CDKAL1: variants seen among roughly 807,000 people sequenced by gnomAD.
CDKAL1 encodes CDKAL1 threonylcarbamoyladenosine tRNA methylthiotransferase, also known as threonylcarbamoyladenosine tRNA methylthiotransferase.
Under a neutral mutation model 68.2 loss-of-function variants are expected in CDKAL1, and 32 were observed. That is an observed-to-expected ratio of 0.47 (90% confidence interval 0.35 to 0.63). CDKAL1 has a LOEUF of 0.63. Among genes scored for constraint, CDKAL1 ranks in the 30% least tolerant of loss-of-function variants. The pLI is 0.00. For synonymous variants in CDKAL1, 234 were observed against 244.3 expected, an observed-to-expected ratio of 0.96 and a Z score of 0.39; for missense variants, 606 against 696.7, an observed-to-expected ratio of 0.87 and a Z score of 1.47.
intron 13 of CDKAL1, among the ~76,000 whole-genome samples, chr6:21,193,390 A>T (rs570927260): frequency 6.6e-6 from 1 of 152,286 alleles, no homozygotes; most frequent in Admixed American, 6.5e-5. Flanking sequence ...AAACCTTTGG[A>T]TGTGCTGATC....
At chr6:20,975,087 A>G (rs1435456570) in intron 10 of CDKAL1, among the ~76,000 whole-genome samples, 2 of 151,662 alleles carry the variant, frequency 1.3e-5, no homozygotes, top group Non-Finnish European at 2.9e-5. Flanking sequence ...TATTTATCTT[A>G]TGTCCCTGTA....
chr6:20,771,907 A>C (rs1317380729), intron 7 of CDKAL1, among the ~76,000 whole-genome samples: 1 of 152,168 alleles, frequency 6.6e-6, no homozygotes, highest in Non-Finnish European at 1.5e-5. Context: ...AGCCTGCAGA[A>C]CCGTGAGCCA....
chr6:20,945,790 A>G (rs191714096), intron 9 of CDKAL1, among the ~76,000 whole-genome samples: 95 of 152,336 alleles, frequency 6.2e-4, no homozygotes, highest in Admixed American at 1.9e-3. Context: ...ATACATTGTT[A>G]CTGGTCTGGG....
At chr6:20,841,236 G>C (rs1778162191) in intron 8 of CDKAL1, among the ~76,000 whole-genome samples, 1 of 152,146 alleles carries the variant, frequency 6.6e-6, no homozygotes, top group East Asian at 1.9e-4. Context: ...TGGAGGCTGT[G>C]AGTATTAATG....
At position 20,886,014 on chromosome 6, in the gene CDKAL1, G is replaced by C. The variant is rs952739686; in HGVS notation, c.742+39836G>C. On this transcript the variant is annotated intron_variant, in intron 9 of 15. Coordinates refer to ENST00000274695, the MANE Select transcript of CDKAL1 (RefSeq NM_017774.3). ...ATCATGCCACGACACTCCAGCCTGAGAAACAGAGCAAGACGCCATCCCCGT... is the reference window on the plus strand; with the variant it reads ...ATCATGCCACGACACTCCAGCCTGACAAACAGAGCAAGACGCCATCCCCGT... Among the ~76,000 whole-genome samples the C allele has an allele frequency of 6.6e-5, 10 of 152,282 alleles. 1 individual carries two copies. Among genetic ancestry groups the C allele is most frequent in the South Asian group, 4.1e-4 (2 of 4,824 alleles).
intron 14 of CDKAL1, among the ~76,000 whole-genome samples, chr6:21,199,947 T>C (rs1778621975): frequency 6.6e-6 from 1 of 152,164 alleles, no homozygotes; most frequent in South Asian, 2.1e-4. Context: ...TTCAGAGAGA[T>C]TGGCTGTGGA....
At chr6:21,118,402 C>CAGCAAT (rs1774527208) in intron 13 of CDKAL1, among the ~76,000 whole-genome samples, 1 of 152,160 alleles carries the variant, frequency 6.6e-6, no homozygotes, top group Non-Finnish European at 1.5e-5. Context: ...TTGTCTTCCT[C>CAGCAAT]AGCAATATTT....
At chr6:21,205,257 G>A (rs1778859568) in intron 15 of CDKAL1, among the ~76,000 whole-genome samples, 1 of 152,172 alleles carries the variant, frequency 6.6e-6, no homozygotes, top group Non-Finnish European at 1.5e-5. Context: ...TATTTGCTAT[G>A]AACATGGGTG....
intron 9 of CDKAL1, among the ~76,000 whole-genome samples, chr6:20,953,167 G>A (rs565000166): frequency 6.6e-6 from 1 of 152,160 alleles, no homozygotes; most frequent in Non-Finnish European, 1.5e-5. Context: ...TGCTGATTTA[G>A]TGTTACAGCT....
chr6:21,169,495 G>T (rs1253323789), intron 13 of CDKAL1, among the ~76,000 whole-genome samples: 2 of 152,142 alleles, frequency 1.3e-5, no homozygotes, highest in Admixed American at 1.3e-4. Flanking sequence ...AATTAGCCAG[G>T]CTTGGTGGTG....
At chr6:20,893,300 C>T (rs1047566677) in intron 9 of CDKAL1, among the ~76,000 whole-genome samples, 14 of 152,098 alleles carry the variant, frequency 9.2e-5, no homozygotes, top group East Asian at 1.9e-4. Flanking sequence ...ATGAGGTGTT[C>T]GCTGGCCTTT....
intron 5 of CDKAL1, among the ~76,000 whole-genome samples, chr6:20,702,181 A>G (rs1771393492): frequency 6.6e-6 from 1 of 152,096 alleles, no homozygotes. Flanking sequence ...TGTGTGGCTC[A>G]CTTCTTCAGT....
In CDKAL1 at chr6:20,714,548, C is replaced by A. The variant is rs142880132; in HGVS notation, c.372-24971C>A. Among the ~76,000 whole-genome samples, 69 of 151,674 alleles carry A rather than the reference C, an allele frequency of 4.5e-4. 1 individual carries two copies. In the East Asian group the frequency reaches 0.013, roughly 29 times the overall value. On this transcript the variant is annotated intron_variant, in intron 5 of 15. Coordinates refer to ENST00000274695, the MANE Select transcript of CDKAL1 (RefSeq NM_017774.3). The stretch of plus-strand genomic sequence containing the variant: ...ACACTACAGGTGCGCACCCACCATG[C>A]CTGGCTAAATTTTTTATTATTTGTA...
intron 4 of CDKAL1, among the ~76,000 whole-genome samples, chr6:20,579,676 GCTGGT>G (rs1765063157): frequency 6.6e-6 from 1 of 152,114 alleles, no homozygotes; most frequent in Admixed American, 6.6e-5. Flanking sequence ...TTCTAACCTG[GCTGGT>G]CTGATTTCAG....
intron 14 of CDKAL1, among the ~76,000 whole-genome samples, chr6:21,198,831 A>G (rs945334489): frequency 1.1e-4 from 17 of 151,804 alleles, no homozygotes; most frequent in African/African-American, 4.1e-4. Flanking sequence ...CAGGGTTTCT[A>G]CTCCTCCAGG....
At chr6:20,686,834 C>G (rs1280140932) in intron 5 of CDKAL1, among the ~76,000 whole-genome samples, 1 of 152,068 alleles carries the variant, frequency 6.6e-6, no homozygotes, top group Non-Finnish European at 1.5e-5. Flanking sequence ...TTTTTGTAGT[C>G]TTTTTAACTA....
chr6:20,823,659 G>A (rs1330817239), intron 8 of CDKAL1, among the ~76,000 whole-genome samples: 2 of 152,138 alleles, frequency 1.3e-5, no homozygotes, highest in Non-Finnish European at 2.9e-5. Context: ...CATCAGAACT[G>A]TCTGAATTAT....
chr6:20,729,023 A>G (rs1772784018), intron 5 of CDKAL1, among the ~76,000 whole-genome samples: 1 of 152,202 alleles, frequency 6.6e-6, no homozygotes, highest in Non-Finnish European at 1.5e-5. Flanking sequence ...TGTTAAAGTA[A>G]TGAACTCCCT....
intron 11 of CDKAL1, among the ~76,000 whole-genome samples, chr6:21,017,114 T>G (rs1768382140): frequency 6.6e-6 from 1 of 152,230 alleles, no homozygotes; most frequent in Non-Finnish European, 1.5e-5. Flanking sequence ...ACAATCTCCT[T>G]ATAGATTATC....
Sources: gnomAD v4.1 joint callset for allele counts (sites outside exome capture counted in the v4.1 genomes callset) on GRCh38, gnomAD v4.1.1 for gene constraint, MANE v1.5 for transcripts, NCBI Gene and HGNC (gene_info 2026-07-23, HGNC 2026-07-21) for gene names.